The following THBS4 variants were observed in gnomAD, a reference collection of about 807,000 sequenced individuals.
THBS4 encodes thrombospondin 4.
Under a neutral mutation model 115.7 loss-of-function variants are expected in THBS4, and 90 were observed. That is an observed-to-expected ratio of 0.78 (90% CI 0.66 to 0.93). The LOEUF is 0.93. THBS4 is among the 40% of genes least tolerant of loss of function. The probability of loss-of-function intolerance (pLI) is 0.00; values close to 1 mark genes in which losing one functional copy is unlikely to be tolerated. For missense variants in THBS4, 1,087 were observed against 1,232.7 expected, an observed-to-expected ratio of 0.88 and a Z score of 1.77; for synonymous variants, 460 against 479.3, an observed-to-expected ratio of 0.96 and a Z score of 0.53.
chr5:80,003,050 T>TTA (rs1285520191), intron 2 of THBS4, among the ~76,000 whole-genome samples: 1 of 152,144 alleles, frequency 6.6e-6, no homozygotes. Context: ...AAATTCCATA[T>TTA]TATGATCTGT....
At chr5:80,008,087 T>C (rs1476698680) in intron 2 of THBS4, among the ~76,000 whole-genome samples, 1 of 152,148 alleles carries the variant, frequency 6.6e-6, no homozygotes, top group Non-Finnish European at 1.5e-5. Flanking sequence ...TCAATGAAAA[T>C]CAAATTGGTA....
rs1020811926 is a variant in THBS4 at position 80,000,090 on chromosome 5, C to T, written n.177+1663C>T. On this transcript the variant is annotated intron_variant and non_coding_transcript_variant, in intron 2 of 3. Coordinates refer to the THBS4 transcript ENST00000510218. ...GGTATATGGGAGAATGGCATATTAACTTCTTGATAAAATGTCTCAGTATGT... is the reference window on the plus strand; with the variant it reads ...GGTATATGGGAGAATGGCATATTAATTTCTTGATAAAATGTCTCAGTATGT... Among the ~76,000 whole-genome samples, 4 of 152,158 alleles carry T rather than the reference C, an allele frequency of 2.6e-5. No homozygotes were observed. The East Asian group carries it at 5.8e-4, about 22-fold the overall frequency.
Position 80,083,147 on chromosome 5 carries a change from G to A in THBS4, c.*6G>A. On this transcript the variant is annotated 3_prime_UTR_variant, in exon 22 of 22. Transcript: ENST00000350881. ...TCGACCGCTTCGATAATTAAACCAA[G>A]GAAGCAATCTGTAACTGCTTTTCGG... 2 of 1,611,374 alleles carry A rather than the reference G, an allele frequency of 1.2e-6. No individual in the cohort carries two copies. Among genetic ancestry groups the A allele is most frequent in the Non-Finnish European group, 1.7e-6 (2 of 1,177,494 alleles).
Position 80,002,818 on chromosome 5 carries a change from A to G in THBS4, n.177+4391A>G, listed in dbSNP as rs1198100567. ...AAAATTTACACAGAATCAGAAAAAGACTTCTGAACAAAATAGCATTGATGG... is the reference window on the plus strand; with the variant it reads ...AAAATTTACACAGAATCAGAAAAAGGCTTCTGAACAAAATAGCATTGATGG... On this transcript the variant is annotated intron_variant and non_coding_transcript_variant, in intron 2 of 3. Transcript: ENST00000510218. 4.0e-5 allele frequency among the ~76,000 whole-genome samples: 6 copies of G among 151,726 alleles called. No homozygotes were observed. In the East Asian group the frequency reaches 1.2e-3, roughly 29 times the overall value.
At chr5:80,072,452 T>C (rs1834103138) in intron 14 of THBS4, 56 bp downstream of exon 14, 11 of 1,493,428 alleles carry the variant, frequency 7.4e-6, no homozygotes, top group Middle Eastern at 1.7e-4. Context: ...ATGCAAAGAC[T>C]CATTTAAGAC....
chr5:80,022,287 C>A (rs543913080), intron 2 of THBS4, among the ~76,000 whole-genome samples: 1 of 152,146 alleles, frequency 6.6e-6, no homozygotes, highest in Non-Finnish European at 1.5e-5. Flanking sequence ...TTTAAAATTT[C>A]TACCCCAAGT....
At position 80,035,880 on chromosome 5, in the gene THBS4, T is replaced by A. The variant is rs1326235557; in HGVS notation, c.88+255T>A. On this transcript the variant is annotated intron_variant, in intron 1 of 21. Coordinates refer to ENST00000350881, the MANE Select transcript of THBS4 (RefSeq NM_003248.6). The surrounding 1 kb of genome is among the most constrained non-coding windows in gnomAD (Gnocchi z 4.6). The stretch of plus-strand genomic sequence containing the variant: ...AAAATTGTTTCAGACTATGCAAAGA[T>A]GTGGGGTGGGGTTGCCTTCAAAACT... The A allele has an allele frequency of 1.4e-6, 1 of 705,456 alleles. No individual in the cohort carries two copies. The highest frequency in any genetic ancestry group is 1.9e-6 in the Non-Finnish European group (1 of 520,254). 43.7% of individuals were successfully genotyped at this position (705,456 alleles called of 1,614,324 possible).
chr5:80,020,461 G>A lies in THBS4; in HGVS notation n.178-19616G>A, dbSNP rs551861445. On this transcript the variant is annotated intron_variant and non_coding_transcript_variant, in intron 2 of 3. Coordinates refer to the THBS4 transcript ENST00000510218. ...TGCACTCCAGCCTGGGTGACAGAGCGAGACTCCATCTCAAAAAACAAAAAA... is the reference window on the plus strand; with the variant it reads ...TGCACTCCAGCCTGGGTGACAGAGCAAGACTCCATCTCAAAAAACAAAAAA... Among the ~76,000 whole-genome samples, 8 of 152,228 alleles carry A rather than the reference G, an allele frequency of 5.3e-5. No individual in the cohort carries two copies. The South Asian group carries it at 6.2e-4, about 12-fold the overall frequency.
At chr5:80,052,606 G>A (rs445471) in intron 2 of THBS4, 83,501 of 152,026 alleles carry the variant, frequency 0.55, 23,375 homozygotes, top group African/African-American at 0.65. Context: ...AAGTGGTGGT[G>A]ACCACGTCGA....
chr5:80,034,767 T>G (rs184581143), upstream of THBS4, among the ~76,000 whole-genome samples: 274 of 152,262 alleles, frequency 1.8e-3, 3 homozygotes, highest in Middle Eastern at 0.017. Flanking sequence ...TTTCAAACTT[T>G]CACTGTGTCT....
rs115377811 is a variant in THBS4 at position 80,024,636 on chromosome 5, G to A, written n.178-15441G>A. Among the ~76,000 whole-genome samples the A allele has an allele frequency of 2.2e-3, 337 of 152,190 alleles. 2 individuals are homozygous for A. Among genetic ancestry groups the A allele is most frequent in the African/African-American group, 5.8e-3 (239 of 41,526 alleles). ...ATACATAGCATTATGATTCCTTCAC[G>A]GGACAGAGCTATATCATGATGTAGC... On this transcript the variant is annotated intron_variant and non_coding_transcript_variant, in intron 2 of 3. Transcript: ENST00000510218.
intron 2 of THBS4, among the ~76,000 whole-genome samples, chr5:80,006,536 G>T (rs940549477): frequency 6.6e-6 from 1 of 152,162 alleles, no homozygotes; most frequent in African/African-American, 2.4e-5. Context: ...CATCAGCAGC[G>T]TGAAAATGGA....
chr5:80,007,693 T>C (rs1227393508), intron 2 of THBS4, among the ~76,000 whole-genome samples: 3 of 152,186 alleles, frequency 2.0e-5, no homozygotes, highest in Admixed American at 6.5e-5. Flanking sequence ...CAGAGAATCA[T>C]TGAGAGACTA....
intron 2 of THBS4, among the ~76,000 whole-genome samples, chr5:80,016,038 G>C (rs1453424090): frequency 6.6e-6 from 1 of 152,128 alleles, no homozygotes; most frequent in Non-Finnish European, 1.5e-5. Context: ...TGGACCAGAA[G>C]GGCTGTCTTT....
intron 2 of THBS4, among the ~76,000 whole-genome samples, chr5:80,030,039 C>A (rs1832555819): frequency 6.9e-6 from 1 of 144,254 alleles, no homozygotes; most frequent in Non-Finnish European, 1.5e-5. Context: ...TTTACAGAGA[C>A]CTTATCTGTG....
intron 15 of THBS4, among the ~76,000 whole-genome samples, chr5:80,076,462 C>T (rs1004287803): frequency 2.0e-5 from 3 of 152,204 alleles, no homozygotes; most frequent in Admixed American, 2.0e-4. Flanking sequence ...TGCCTGAGGT[C>T]ACACGCTGGG....
chr5:80,073,328 G>C lies in THBS4; in HGVS notation c.1892+1G>C. The C allele has an allele frequency of 6.2e-7, 1 of 1,613,582 alleles. No homozygotes were observed. Among genetic ancestry groups the C allele is most frequent in the Non-Finnish European group, 8.5e-7 (1 of 1,179,846 alleles). On this transcript the variant is annotated splice_donor_variant, in intron 15 of 21. Coordinates refer to ENST00000350881, the MANE Select transcript of THBS4 (RefSeq NM_003248.6). LOFTEE classifies it high-confidence loss of function. Reference sequence around the variant, plus strand: ...ACTCCTGTGACACCAATCAGGACAGGTATGGCATGTCTCCCAACTGCAGAG... The same window carrying C: ...ACTCCTGTGACACCAATCAGGACAGCTATGGCATGTCTCCCAACTGCAGAG...
intron 10 of THBS4, 34 bp from the exon 11 acceptor site, chr5:80,070,272 C>T (rs1327473570): frequency 6.6e-7 from 1 of 1,523,844 alleles, no homozygotes; most frequent in Non-Finnish European, 8.8e-7. Context: ...CCAGGCTCAG[C>T]TTCCCAGGCC....
At chr5:80,030,967 C>A (rs576389554), upstream of THBS4, among the ~76,000 whole-genome samples, 18 of 152,156 alleles carry the variant, frequency 1.2e-4, no homozygotes, top group Non-Finnish European at 1.6e-4. Flanking sequence ...TATCAGTGCA[C>A]AGTATGGGTG....
Sources: gnomAD v4.1 joint callset for allele counts (sites outside exome capture counted in the v4.1 genomes callset) on GRCh38, gnomAD v4.1.1 for gene constraint, Gnocchi (gnomAD v3.1) non-coding constraint, MANE v1.5 for transcripts, NCBI Gene and HGNC (gene_info 2026-07-23, HGNC 2026-07-21) for gene names.